BACH2: variants seen among roughly 807,000 people sequenced by gnomAD.
BACH2 encodes the protein transcription regulator protein BACH2.
Under a neutral mutation model 61.8 loss-of-function variants are expected in BACH2, and 5 were observed. The ratio of observed to expected loss-of-function variants is 0.08; its 90% confidence interval spans 0.04 to 0.17. BACH2 has a LOEUF of 0.17. Ranked by LOEUF, BACH2 falls within the 10% of genes least tolerant of loss-of-function variation. The probability of loss-of-function intolerance (pLI) is 1.00; values close to 1 mark genes in which losing one functional copy is unlikely to be tolerated. For missense variants in BACH2, 824 were observed against 1,091.1 expected, an observed-to-expected ratio of 0.76 and a Z score of 3.45; for synonymous variants, 446 against 440.1, an observed-to-expected ratio of 1.01 and a Z score of -0.17.
intron 2 of BACH2, among the ~76,000 whole-genome samples, chr6:90,265,328 T>C (rs1271483722): frequency 6.6e-6 from 1 of 152,186 alleles, no homozygotes; most frequent in African/African-American, 2.4e-5. Flanking sequence ...GTGCTCAAAA[T>C]AGGATACTAA....
chr6:90,081,735 C>G (rs908340729), intron 5 of BACH2, among the ~76,000 whole-genome samples: 9 of 152,122 alleles, frequency 5.9e-5, no homozygotes, highest in African/African-American at 2.2e-4. Flanking sequence ...CTTCTAGCAG[C>G]TAGCTGCTTA....
chr6:90,210,327 AC>A (rs1769300976), intron 3 of BACH2, among the ~76,000 whole-genome samples: 1 of 151,454 alleles, frequency 6.6e-6, no homozygotes, highest in South Asian at 2.1e-4. Flanking sequence ...ACACACACAC[AC>A]ACACACACAC....
intron 2 of BACH2, among the ~76,000 whole-genome samples, chr6:90,254,677 C>T (rs1770920972): frequency 6.6e-6 from 1 of 151,942 alleles, no homozygotes; most frequent in South Asian, 2.1e-4. Context: ...GACTTTTATC[C>T]TACAATAAAC....
chr6:90,276,078 A>T (rs1018401747), intron 1 of BACH2, among the ~76,000 whole-genome samples: 2 of 152,322 alleles, frequency 1.3e-5, no homozygotes, highest in Non-Finnish European at 2.9e-5. Context: ...GAGTAGTCAC[A>T]CTTCACTAAC....
chr6:90,123,769 CAAAAAAAA>C (rs796903431), intron 4 of BACH2, among the ~76,000 whole-genome samples: 10 of 33,984 alleles, frequency 2.9e-4, no homozygotes, highest in East Asian at 1.9e-3. Flanking sequence ...GACTCCGTCT[CAAAAAAAA>C]AAAAAAAAAA....
intron 5 of BACH2, among the ~76,000 whole-genome samples, chr6:90,010,931 TG>T (rs1360505544): frequency 1.3e-5 from 2 of 152,240 alleles, no homozygotes; most frequent in East Asian, 3.8e-4. Context: ...TTAATTGGGT[TG>T]TTTTCTTATT....
chr6:90,102,440 GT>G (rs1332394855), intron 4 of BACH2, among the ~76,000 whole-genome samples: 1 of 152,086 alleles, frequency 6.6e-6, no homozygotes, highest in East Asian at 1.9e-4. Flanking sequence ...AATCTAAAGG[GT>G]TTGTTTCAAT....
At chr6:90,033,497 C>T (rs1779114268) in intron 5 of BACH2, among the ~76,000 whole-genome samples, 1 of 151,974 alleles carries the variant, frequency 6.6e-6, no homozygotes, top group Non-Finnish European at 1.5e-5. Context: ...AATTGTAAGA[C>T]ATTGGACCCA....
chr6:90,185,291 A>C (rs1165775879), intron 4 of BACH2, among the ~76,000 whole-genome samples: 1 of 152,194 alleles, frequency 6.6e-6, no homozygotes, highest in Non-Finnish European at 1.5e-5. Flanking sequence ...TTTACACATT[A>C]AATGTCTGTT....
chr6:89,963,307 T>G (rs1235833729), intron 6 of BACH2, among the ~76,000 whole-genome samples: 1 of 151,172 alleles, frequency 6.6e-6, no homozygotes, highest in African/African-American at 2.4e-5. Context: ...TGTTTGTTTT[T>G]GTTTTTAAGA....
intron 5 of BACH2, among the ~76,000 whole-genome samples, chr6:90,013,108 G>T (rs1040119527): frequency 2.0e-5 from 3 of 151,868 alleles, no homozygotes; most frequent in Middle Eastern, 3.2e-3. Flanking sequence ...AATAATTTTT[G>T]TATTTTGATC....
chr6:90,019,381 G>A lies in BACH2; in HGVS notation c.-12-10525C>T, dbSNP rs145186346. On this transcript the variant is annotated intron_variant, in intron 5 of 8. Transcript: ENST00000257749. ...AAGAGAAATGAAAGTGAAGTGCAGT[G>A]GAAACAGGAGTGGACCAGGCATGTT... 7.4e-3 allele frequency among the ~76,000 whole-genome samples: 1,125 copies of A among 152,308 alleles called. 9 individuals are homozygous for A. Among genetic ancestry groups the A allele is most frequent in the Non-Finnish European group, 0.011 (773 of 68,028 alleles).
intron 5 of BACH2, among the ~76,000 whole-genome samples, chr6:90,069,171 T>C (rs6901771): frequency 0.44 from 66,331 of 151,660 alleles, 17,004 homozygotes; most frequent in East Asian, 0.82. Flanking sequence ...GATCCTATCA[T>C]TCACTTCAGT....
At chr6:90,213,744 A>G (rs993428004) in intron 3 of BACH2, among the ~76,000 whole-genome samples, 3 of 152,194 alleles carry the variant, frequency 2.0e-5, no homozygotes, top group Admixed American at 1.3e-4. Context: ...AATACCCAGC[A>G]CCTATCCCGC....
intron 5 of BACH2, among the ~76,000 whole-genome samples, chr6:90,063,314 A>T (rs945020201): frequency 6.6e-6 from 1 of 152,194 alleles, no homozygotes; most frequent in African/African-American, 2.4e-5. Context: ...TTACTTCCCA[A>T]GAAAAATCTA....
chr6:90,100,708 C>CACATACACATACACACAG (rs879484053), intron 4 of BACH2, among the ~76,000 whole-genome samples: 1 of 143,218 alleles, frequency 7.0e-6, no homozygotes, highest in African/African-American at 2.8e-5. Flanking sequence ...CACAGACACA[C>CACATACACATACACACAG]ACACACACAC....
chr6:89,967,922 A>G (rs907974971), intron 6 of BACH2, among the ~76,000 whole-genome samples: 1 of 151,730 alleles, frequency 6.6e-6, no homozygotes, highest in Admixed American at 6.6e-5. Context: ...TCAAGCAGCA[A>G]CTCCCTGGTT....
chr6:89,996,121 T>C (rs1419273197), intron 6 of BACH2, among the ~76,000 whole-genome samples: 11 of 152,244 alleles, frequency 7.2e-5, no homozygotes, highest in Admixed American at 7.2e-4. Flanking sequence ...CCTTTGGCTC[T>C]GTGATCTCAG....
At chr6:90,261,519 G>C (rs1157009674) in intron 2 of BACH2, among the ~76,000 whole-genome samples, 1 of 152,032 alleles carries the variant, frequency 6.6e-6, no homozygotes, top group African/African-American at 2.4e-5. Flanking sequence ...GAACCTACCA[G>C]TTGACACATC....
Sources: allele counts gnomAD v4.1 joint callset (sites outside exome capture counted in the v4.1 genomes callset), GRCh38; gene constraint gnomAD v4.1.1; transcripts MANE v1.5; gene names NCBI Gene and HGNC (gene_info 2026-07-23, HGNC 2026-07-21).